Variants in TTC23L observed in about 807,000 individuals in gnomAD.
The protein encoded by TTC23L is tetratricopeptide repeat domain 23 like.
Under a neutral mutation model 48.1 loss-of-function variants are expected in TTC23L, and 42 were observed. That is an observed-to-expected ratio of 0.87 (90% CI 0.68 to 1.13). The LOEUF is 1.13. Ranked by LOEUF, TTC23L falls within the 50% of genes most tolerant of loss-of-function variation. The pLI is 0.00. For missense variants in TTC23L, 391 were observed against 421.0 expected, an observed-to-expected ratio of 0.93 and a Z score of 0.62; for synonymous variants, 159 against 157.2, an observed-to-expected ratio of 1.01 and a Z score of -0.09.
chr5:34,922,569 T>C, the TTC23L span: 1 of 1,609,654 alleles, frequency 6.2e-7, no homozygotes, highest in Non-Finnish European at 8.5e-7. Context: ...GACCATCTGC[T>C]AAATTCCTTG....
chr5:34,840,250 G>GGGA (rs1554016490), intron 1 of TTC23L, among the ~76,000 whole-genome samples: 11 of 108,148 alleles, frequency 1.0e-4, no homozygotes, highest in East Asian at 2.5e-4. Flanking sequence ...GGGGGGGGGG[G>GGGA]AAAGCAGAAT....
chr5:34,855,061 C>T (rs1463954313), intron 4 of TTC23L, among the ~76,000 whole-genome samples: 1 of 152,012 alleles, frequency 6.6e-6, no homozygotes, highest in Non-Finnish European at 1.5e-5. Context: ...AAGGTGTGGG[C>T]CAAGGCATAA....
At chr5:34,860,173 T>C (rs1760490369) in intron 4 of TTC23L, among the ~76,000 whole-genome samples, 1 of 152,022 alleles carries the variant, frequency 6.6e-6, no homozygotes, top group African/African-American at 2.4e-5. Flanking sequence ...AATTCAGAGT[T>C]TCCCTTCAGT....
chr5:34,888,415 A>C (rs1201208487), intron 9 of TTC23L: 3 of 939,418 alleles, frequency 3.2e-6, no homozygotes, highest in Non-Finnish European at 3.8e-6. Flanking sequence ...GGTGCTTGCT[A>C]TCTGATTCTC....
chr5:34,846,596 T>TAC lies in TTC23L; in HGVS notation c.255+924_255+925insCA, dbSNP rs1272270933. On this transcript the variant is annotated intron_variant, in intron 3 of 10. Transcript: ENST00000505624. Reference sequence around the variant, plus strand: ...AAAAAAATATATATATATATATATATATATACACACACATATATATACACA... The same window carrying TAC: ...AAAAAAATATATATATATATATATATACATATACACACACATATATATACACA... 2.9e-4 allele frequency among the ~76,000 whole-genome samples: 38 copies of TAC among 131,056 alleles called. 1 individual carries two copies. Among genetic ancestry groups the TAC allele is most frequent in the African/African-American group, 1.2e-3 (38 of 31,762 alleles). The allele number at this position is 131,056 out of a possible 152,430, so 86.0% of individuals were successfully genotyped here. A position where few individuals can be genotyped will look rare whatever the true frequency, so the allele number is the denominator to read the frequency against.
chr5:34,889,679 G>T (rs972997025), intron 9 of TTC23L, among the ~76,000 whole-genome samples: 2 of 152,150 alleles, frequency 1.3e-5, no homozygotes, highest in African/African-American at 4.8e-5. Context: ...TTTGCTCCCT[G>T]CCTGTTGGTG....
At chr5:34,895,104 G>T (rs1053905371) in intron 9 of TTC23L, among the ~76,000 whole-genome samples, 2 of 152,268 alleles carry the variant, frequency 1.3e-5, no homozygotes, top group East Asian at 1.9e-4. Flanking sequence ...CCATAATCAG[G>T]AATTTACTCA....
At chr5:34,870,248 T>C (rs983698563) in intron 8 of TTC23L, among the ~76,000 whole-genome samples, 1 of 151,994 alleles carries the variant, frequency 6.6e-6, no homozygotes, top group Non-Finnish European at 1.5e-5. Context: ...GAAAATACAG[T>C]ACTGGAAAAC....
At chr5:34,895,231 G>C (rs1763137447) in intron 9 of TTC23L, among the ~76,000 whole-genome samples, 2 of 152,156 alleles carry the variant, frequency 1.3e-5, no homozygotes, top group South Asian at 4.1e-4. Context: ...TTTGAATCCA[G>C]GCTCTACCAC....
intron 8 of TTC23L, among the ~76,000 whole-genome samples, chr5:34,874,778 A>C (rs1184947497): frequency 6.6e-6 from 1 of 152,150 alleles, no homozygotes; most frequent in Non-Finnish European, 1.5e-5. Context: ...AGGTAGGAAA[A>C]GAGTGAAAGA....
At chr5:34,886,402 G>T (rs1762547773) in intron 9 of TTC23L, among the ~76,000 whole-genome samples, 2 of 151,086 alleles carry the variant, frequency 1.3e-5, no homozygotes, top group Non-Finnish European at 2.9e-5. Context: ...CCCTCAGGAG[G>T]CTTACAGACT....
the TTC23L span, chr5:34,906,458 G>A: frequency 6.6e-6 from 1 of 151,978 alleles, no homozygotes; most frequent in Non-Finnish European, 1.5e-5. Flanking sequence ...AGGGAACATA[G>A]TAAAACCCCA....
chr5:34,922,784 A>G, the TTC23L span: 4 of 1,608,040 alleles, frequency 2.5e-6, no homozygotes, highest in South Asian at 2.2e-5. Context: ...TTTCTCATTC[A>G]GTGTATGAGG....
chr5:34,922,319 T>G, the TTC23L span: 1 of 1,321,468 alleles, frequency 7.6e-7, no homozygotes, highest in Non-Finnish European at 1.1e-6. Context: ...TTGGTTAAAC[T>G]CATTTAAGTG....
chr5:34,888,547 G>C (rs1367981089), intron 9 of TTC23L: 2 of 984,638 alleles, frequency 2.0e-6, no homozygotes, highest in Non-Finnish European at 2.4e-6. Flanking sequence ...GGTGAGTTCT[G>C]GCCCTGGCCA....
the TTC23L span, among the ~76,000 whole-genome samples, chr5:34,917,425 A>T: frequency 6.6e-6 from 1 of 151,744 alleles, no homozygotes; most frequent in Non-Finnish European, 1.5e-5. Flanking sequence ...CTAGGTCAGG[A>T]GTTCAAGACC....
chr5:34,901,079 TA>T, downstream of TTC23L, among the ~76,000 whole-genome samples: 1 of 152,354 alleles, frequency 6.6e-6, no homozygotes, highest in Middle Eastern at 3.4e-3. Flanking sequence ...TTTAGCTTTT[TA>T]TAATAGATTT....
intron 1 of TTC23L, among the ~76,000 whole-genome samples, 154 bp from the exon 2 acceptor site, chr5:34,840,511 C>T (rs1279765776): frequency 1.3e-5 from 2 of 152,070 alleles, no homozygotes; most frequent in African/African-American, 2.4e-5. Context: ...TGTTTTCCAG[C>T]GGTCTCCATA....
chr5:34,862,997 T>A, exon 5 of TTC23L: 2 of 1,613,968 alleles, frequency 1.2e-6, no homozygotes, highest in Admixed American at 3.3e-5. Flanking sequence ...GAGGAAATCC[T>A]GGAAGCTCTG....
Sources: allele counts gnomAD v4.1 joint callset (sites outside exome capture counted in the v4.1 genomes callset), GRCh38; gene constraint gnomAD v4.1.1; transcripts MANE v1.5; gene names NCBI Gene and HGNC (gene_info 2026-07-23, HGNC 2026-07-21).